Variants in RNF17 observed in about 807,000 individuals in gnomAD.
RNF17 encodes spermatogenesis associated 23.
RNF17 carries 31 observed loss-of-function variants against 200.5 expected under a neutral mutation model. The observed-to-expected ratio is 0.15, with a 90% CI of 0.12 to 0.21. The LOEUF is 0.21. Ranked by LOEUF, RNF17 falls within the 10% of genes least tolerant of loss-of-function variation. The probability of loss-of-function intolerance (pLI) is 1.00; values close to 1 mark genes in which losing one functional copy is unlikely to be tolerated. For missense variants in RNF17, 1,628 were observed against 1,905.1 expected (o/e 0.85, Z 2.71); for synonymous variants, 606 against 637.8 (o/e 0.95, Z 0.75).
At chr13:24,834,331 C>T (rs987119477) in intron 18 of RNF17, among the ~76,000 whole-genome samples, 2 of 152,158 alleles carry the variant, frequency 1.3e-5, no homozygotes, top group Admixed American at 1.3e-4. Context: ...AGGAGAATCA[C>T]TTGAACCTTG....
At chr13:24,815,445 GT>G (rs1887275680) in intron 15 of RNF17, among the ~76,000 whole-genome samples, 3 of 141,486 alleles carry the variant, frequency 2.1e-5, no homozygotes, top group African/African-American at 3.0e-5. Context: ...GTGTGTGTGT[GT>G]GTGTGTGTGT....
chr13:24,805,957 G>C (rs183927380), intron 15 of RNF17, among the ~76,000 whole-genome samples: 4 of 151,818 alleles, frequency 2.6e-5, no homozygotes, highest in Non-Finnish European at 5.9e-5. Context: ...TGTTACATAG[G>C]TATACATGTG....
intron 9 of RNF17, 145 bp downstream of exon 9, chr13:24,789,917 A>G (rs1883633105): frequency 1.0e-5 from 6 of 597,528 alleles, no homozygotes; most frequent in Middle Eastern, 8.1e-4. Flanking sequence ...TCTACATATA[A>G]TGTTTTTTAA....
intron 18 of RNF17, among the ~76,000 whole-genome samples, chr13:24,832,485 A>G (rs1889525395): frequency 6.6e-6 from 1 of 152,204 alleles, no homozygotes. Flanking sequence ...GTAACATAAC[A>G]AGTTCTGAAA....
chr13:24,866,245 A>G (rs534862450), intron 30 of RNF17, 42 bp downstream of exon 30: 5 of 1,068,506 alleles, frequency 4.7e-6, no homozygotes, highest in Admixed American at 1.9e-5. Flanking sequence ...TGGACACTTC[A>G]TTAATAAAAA....
chr13:24,859,757 C>A (rs886687292), intron 26 of RNF17, among the ~76,000 whole-genome samples: 21 of 151,938 alleles, frequency 1.4e-4, no homozygotes, highest in African/African-American at 2.4e-5. Context: ...GTGAAAAAGT[C>A]TTTTTTCCAC....
At chr13:24,767,473 G>C in intron 2 of RNF17, 107 bp downstream of exon 2, 1 of 738,124 alleles carries the variant, frequency 1.4e-6, no homozygotes, top group Admixed American at 2.4e-5. Context: ...AAGTTGGCCG[G>C]GCGTGGTGGC....
At chr13:24,799,645 G>C in intron 12 of RNF17, 61 bp downstream of exon 12, 2 of 1,029,052 alleles carry the variant, frequency 1.9e-6, no homozygotes, top group Non-Finnish European at 2.9e-6. Flanking sequence ...GGGAGGTGGA[G>C]TTAAAGAATA....
At chr13:24,876,545 G>T (rs891015004) in intron 33 of RNF17, among the ~76,000 whole-genome samples, 1 of 152,222 alleles carries the variant, frequency 6.6e-6, no homozygotes. Context: ...CTCACTAAGA[G>T]TGCGCAAAGG....
Position 24,853,898 on chromosome 13 carries a change from C to T in RNF17, c.3364C>T (p.Leu1122=), listed in dbSNP as rs766611052. Residue 1122 remains leucine, a synonymous_variant, in exon 25 of 36, where the codon CTG becomes TTG. Coordinates refer to ENST00000255324, the MANE Select transcript of RNF17 (RefSeq NM_031277.3). ...CAGCCATTCATTATCTGAGAAGTCT[C>T]TGGAAGTCCCCCTGGAACAGGAAGA... The part of the protein sequence containing the change: ...DNSHSLSEKS[L]EVPLEQEDSV... 2.5e-6 allele frequency: 4 copies of T among 1,613,298 alleles called. No homozygotes were observed. Among genetic ancestry groups the T allele is most frequent in the Non-Finnish European group, 3.4e-6 (4 of 1,179,660 alleles).
chr13:24,839,135 A>C (rs1890339433), intron 18 of RNF17, among the ~76,000 whole-genome samples: 1 of 152,196 alleles, frequency 6.6e-6, no homozygotes, highest in Admixed American at 6.5e-5. Context: ...GACCTCTAGA[A>C]GGAAAACTAC....
intron 9 of RNF17, among the ~76,000 whole-genome samples, chr13:24,791,641 A>T (rs1355938716): frequency 1.3e-5 from 2 of 152,150 alleles, no homozygotes; most frequent in Admixed American, 6.6e-5. Context: ...GATTGTCTCC[A>T]ATGGAAATGG....
In RNF17 at chr13:24,821,377, T is replaced by C. The variant is rs1202632633; in HGVS notation, c.2092-4242T>C. 2.6e-5 allele frequency among the ~76,000 whole-genome samples: 4 copies of C among 152,228 alleles called. No individual in the cohort carries two copies. The East Asian group carries it at 7.7e-4, about 29-fold the overall frequency. ...AAATCAACTCCTAACATTAGACTTC[T>C]TGGATTTGTAGGTTCATGTCTTTCT... is the stretch of plus-strand genomic sequence containing the variant. On this transcript the variant is annotated intron_variant, in intron 15 of 35. Coordinates refer to ENST00000255324, the MANE Select transcript of RNF17 (RefSeq NM_031277.3).
downstream of RNF17, among the ~76,000 whole-genome samples, chr13:24,884,665 C>T (rs1953959537): frequency 6.6e-6 from 1 of 151,994 alleles, no homozygotes; most frequent in African/African-American, 2.4e-5. Context: ...TGGAATTTAC[C>T]TAAAAAAGAA....
At chr13:24,782,225 G>T (rs577479057) in intron 6 of RNF17, among the ~76,000 whole-genome samples, 68 of 152,182 alleles carry the variant, frequency 4.5e-4, no homozygotes, top group Non-Finnish European at 8.8e-4. Context: ...GCCCAGGCTG[G>T]GGTGCAATGG....
chr13:24,793,931 T>C (rs1439882793), intron 10 of RNF17, among the ~76,000 whole-genome samples: 1 of 152,204 alleles, frequency 6.6e-6, no homozygotes, highest in Non-Finnish European at 1.5e-5. Flanking sequence ...GTCTATTTTA[T>C]TGGTTGACTC....
chr13:24,808,409 G>T (rs983514897), intron 15 of RNF17, among the ~76,000 whole-genome samples: 5 of 144,724 alleles, frequency 3.5e-5, no homozygotes, highest in African/African-American at 1.3e-4. Flanking sequence ...TGAAGCAATT[G>T]TGAATGGGAG....
upstream of RNF17, among the ~76,000 whole-genome samples, chr13:24,762,380 A>T (rs75204382): frequency 0.21 from 31,287 of 149,862 alleles, 3,778 homozygotes; most frequent in East Asian, 0.29. Context: ...AAAAAAAAAA[A>T]AAAAAAAAAA....
intron 33 of RNF17, among the ~76,000 whole-genome samples, chr13:24,875,212 TCTG>T (rs1420418908): frequency 1.3e-5 from 2 of 152,172 alleles, no homozygotes; most frequent in African/African-American, 4.8e-5. Flanking sequence ...CAACGTGAAT[TCTG>T]CTCAAATTGA....
Sources: gnomAD v4.1 joint callset for allele counts (sites outside exome capture counted in the v4.1 genomes callset) on GRCh38, gnomAD v4.1.1 for gene constraint, MANE v1.5 for transcripts, NCBI Gene and HGNC (gene_info 2026-07-23, HGNC 2026-07-21) for gene names.